PCDHAC1: variants seen among roughly 807,000 people sequenced by gnomAD.
The protein encoded by PCDHAC1 is protocadherin alpha subfamily C, 1, also known as protocadherin alpha-C1.
In PCDHAC1, 42 loss-of-function variants were observed where a neutral mutation model predicts 60.0. The observed-to-expected ratio is 0.70, with a 90% CI of 0.55 to 0.90. The LOEUF is 0.90. Among genes scored for constraint, PCDHAC1 ranks in the 40% least tolerant of loss-of-function variants. The pLI, the probability that PCDHAC1 is intolerant of heterozygous loss-of-function variation, is 0.00. For synonymous variants in PCDHAC1, 468 were observed against 499.3 expected (o/e 0.94, Z 0.84); for missense variants, 1,160 against 1,222.3 (o/e 0.95, Z 0.76).
At chr5:140,969,733 T>C (rs1299165103) in intron 1 of PCDHAC1, among the ~76,000 whole-genome samples, 1 of 152,242 alleles carries the variant, frequency 6.6e-6, no homozygotes, top group Non-Finnish European at 1.5e-5. Context: ...TTTGAAATCC[T>C]ATATGAGTGA....
At chr5:140,967,593 T>C (rs2096161783) in intron 1 of PCDHAC1, 2 of 1,614,078 alleles carry the variant, frequency 1.2e-6, no homozygotes, top group Non-Finnish European at 1.7e-6. Context: ...GGCACATTGG[T>C]GGTGAAGCTG....
intron 3 of PCDHAC1, among the ~76,000 whole-genome samples, chr5:140,983,433 G>A (rs1306046524): frequency 1.3e-5 from 2 of 152,208 alleles, no homozygotes; most frequent in African/African-American, 4.8e-5. Context: ...CACAAATTGT[G>A]TCTACTCTAA....
intron 1 of PCDHAC1, among the ~76,000 whole-genome samples, chr5:140,944,929 CT>C (rs2093712661): frequency 6.6e-6 from 1 of 152,052 alleles, no homozygotes; most frequent in Admixed American, 6.6e-5. Context: ...TGGTTTATGC[CT>C]TCTTTAGATG....
At chr5:140,967,042 G>A (rs781848948) in intron 1 of PCDHAC1, 1 of 1,611,904 alleles carries the variant, frequency 6.2e-7, no homozygotes, top group Admixed American at 1.7e-5. Flanking sequence ...ACCTGGAGCT[G>A]GACCTGACGA....
At chr5:141,005,718 A>T (rs1554260304) in intron 3 of PCDHAC1, among the ~76,000 whole-genome samples, 1 of 149,548 alleles carries the variant, frequency 6.7e-6, no homozygotes, top group Non-Finnish European at 1.5e-5. Context: ...AAAAAAAAAA[A>T]AAAAAAAAAA....
At chr5:140,941,214 C>CCTTTCTTTCTTCCTTTCTTT (rs2092876516) in intron 1 of PCDHAC1, among the ~76,000 whole-genome samples, 18 of 122,412 alleles carry the variant, frequency 1.5e-4, no homozygotes, top group Non-Finnish European at 2.9e-4. Context: ...TTTCTTTCTT[C>CCTTTCTTTCTTCCTTTCTTT]CTTTCTTTCT....
rs568623488 is a variant in PCDHAC1, at chr5:140,927,077, G to C, written c.185G>C (p.Arg62Pro). 1.8e-5 allele frequency: 29 copies of C among 1,610,728 alleles called. No homozygotes were observed. Among genetic ancestry groups the C allele is most frequent in the Non-Finnish European group, 2.5e-5 (29 of 1,177,662 alleles). Residue 62 changes from arginine to proline, a missense_variant, in exon 1 of 4, where the codon CGC becomes CCC. Around this residue, in one of 3 missense-constraint regions of PCDHAC1, gnomAD observed 1,113 missense variants for 1,163.7 expected, o/e 0.96. Transcript: ENST00000253807. ...AACTTTCGCTTCCTTTCCAGCCACCGCGAGCTCTACTTCGGGGTGGATCTA... is the reference window on the plus strand; with the variant it reads ...AACTTTCGCTTCCTTTCCAGCCACCCCGAGCTCTACTTCGGGGTGGATCTA... The part of the protein sequence containing the change: ...SRNFRFLSSH[R>P]ELYFGVDLPS...
intron 3 of PCDHAC1, among the ~76,000 whole-genome samples, chr5:140,983,419 A>G (rs1209385386): frequency 5.3e-5 from 8 of 152,210 alleles, no homozygotes; most frequent in Non-Finnish European, 1.2e-4. Flanking sequence ...GTGTTGGTAG[A>G]GACCACAAAT....
intron 3 of PCDHAC1, 125 bp downstream of exon 3, chr5:140,982,688 A>G: frequency 6.4e-6 from 9 of 1,415,764 alleles, no homozygotes; most frequent in African/African-American, 1.4e-5. Flanking sequence ...CCTTTTTTCC[A>G]TACATACATG....
At chr5:141,001,953 G>C (rs55743067) in intron 3 of PCDHAC1, among the ~76,000 whole-genome samples, 27 of 152,290 alleles carry the variant, frequency 1.8e-4, no homozygotes, top group Non-Finnish European at 3.5e-4. Context: ...AAGGAGGAGG[G>C]AGAGGCGGGG....
At chr5:140,929,678 T>C in intron 1 of PCDHAC1, 1 of 305,066 alleles carries the variant, frequency 3.3e-6, no homozygotes, top group East Asian at 5.8e-5. Flanking sequence ...ATGAAAAATA[T>C]GTAAGAGTCT....
Position 140,927,923 on chromosome 5 carries a change from CTCT to C in PCDHAC1, c.1033_1035del (p.Leu345del). 6.2e-7 allele frequency: 1 copy of C among 1,614,232 alleles called. No homozygotes were observed. The highest frequency in any genetic ancestry group is 2.2e-5 in the East Asian group (1 of 44,872). On this transcript the variant is annotated inframe_deletion, in exon 1 of 4. Transcript: ENST00000253807. ...CATGCCCCCGAACTGGACTTCCTGA[CTCT>C]TTCGAACCCAGTACCTGAGGACGCT...
At chr5:140,947,647 A>G (rs1192426462) in intron 1 of PCDHAC1, among the ~76,000 whole-genome samples, 1 of 151,646 alleles carries the variant, frequency 6.6e-6, no homozygotes, top group African/African-American at 2.4e-5. Flanking sequence ...ATGAACATAT[A>G]TACCTCCATT....
At chr5:141,001,030 G>A (rs1356604139) in intron 3 of PCDHAC1, among the ~76,000 whole-genome samples, 1 of 151,894 alleles carries the variant, frequency 6.6e-6, no homozygotes, top group Non-Finnish European at 1.5e-5. Context: ...TATAATAATA[G>A]CTTTAATTAA....
At chr5:140,960,112 T>C (rs145534809) in intron 1 of PCDHAC1, among the ~76,000 whole-genome samples, 45 of 152,352 alleles carry the variant, frequency 3.0e-4, no homozygotes, top group Non-Finnish European at 4.3e-4. Flanking sequence ...GTGGGAACAA[T>C]AGTATTCCTT....
intron 2 of PCDHAC1, among the ~76,000 whole-genome samples, chr5:140,980,712 T>G (rs4404731): frequency 0.013 from 1,940 of 152,272 alleles, 50 homozygotes; most frequent in African/African-American, 0.045. Context: ...GTGCTCCTAT[T>G]CGGGTTTCAA....
Position 140,927,767 on chromosome 5 carries a change from A to G in PCDHAC1, c.875A>G (p.Glu292Gly), listed in dbSNP as rs2084615997. 6.2e-7 allele frequency: 1 copy of G among 1,614,176 alleles called. No homozygotes were observed. Residue 292 changes from glutamate (E) to glycine (G), a missense_variant, in exon 1 of 4, where the codon GAG (glutamate) becomes GGG (glycine). Physicochemically the swap from Glu to Gly is moderately conservative, Grantham distance 98 (BLOSUM62 -2). This residue lies in a region of PCDHAC1 where 1,113 missense variants were observed against 1,163.7 expected (regional missense o/e 0.96). Coordinates refer to ENST00000253807, the MANE Select transcript of PCDHAC1 (RefSeq NM_018898.5). ...TTTCACGTGCACCCTAAAAGTGGGG[A>G]GGTGCAAGTAGCTGCTTCACTAGGT... ...HRFHVHPKSG[E>G]VQVAASLGPP...
Position 140,988,605 on chromosome 5 carries a change from A to G in PCDHAC1, c.2581+6042A>G, listed in dbSNP as rs558232011. Among the ~76,000 whole-genome samples, 7 of 152,332 alleles carry G rather than the reference A, an allele frequency of 4.6e-5. No homozygotes were observed. In the East Asian group the frequency reaches 1.2e-3, roughly 25 times the overall value. On this transcript the variant is annotated intron_variant, in intron 3 of 3. Coordinates refer to ENST00000253807, the MANE Select transcript of PCDHAC1 (RefSeq NM_018898.5). ...TTCCACTTTTAATGGTCATGTAAAT[A>G]AAAGACTAGAATGGAGATGTCCTGG...
chr5:140,963,526 T>G (rs1359195018), intron 1 of PCDHAC1, among the ~76,000 whole-genome samples: 3 of 152,204 alleles, frequency 2.0e-5, no homozygotes, highest in Non-Finnish European at 4.4e-5. Flanking sequence ...ATAACAGAAG[T>G]CCCATTTACT....
Sources: gnomAD v4.1 joint callset for allele counts (sites outside exome capture counted in the v4.1 genomes callset) on GRCh38, gnomAD v4.1.1 for gene constraint, gnomAD v4.1.1 regional missense constraint, MANE v1.5 for transcripts, NCBI Gene and HGNC (gene_info 2026-07-23, HGNC 2026-07-21) for gene names.